The following C16orf89 variants were observed in gnomAD, a reference collection of about 807,000 sequenced individuals.
C16orf89 encodes UPF0764 protein C16orf89.
C16orf89 carries 57 observed loss-of-function variants against 41.5 expected under a neutral mutation model. The ratio of observed to expected loss-of-function variants is 1.38; its 90% CI spans 1.11 to 1.71. C16orf89 has a LOEUF of 1.71. C16orf89 is among the 40% of genes most tolerant of loss of function. C16orf89 has a pLI of 0.00. For missense variants in C16orf89, 575 were observed against 445.9 expected (o/e 1.29, Z -2.61); for synonymous variants, 223 against 190.6 (o/e 1.17, Z -1.40).
intron 7 of C16orf89, among the ~76,000 whole-genome samples, chr16:5,045,305 C>T (rs921175602): frequency 2.6e-5 from 4 of 152,256 alleles, no homozygotes; most frequent in African/African-American, 9.6e-5. Flanking sequence ...ACCCCAGTGG[C>T]CTTCCTCTTA....
rs551395470 is a variant in C16orf89 at position 5,047,948 on chromosome 16, T to A, written c.885A>T (p.Glu295Asp). The change falls in exon 7 of 8, where the codon GAA becomes GAT. Residue 295 changes from glutamate (E) to aspartate (D), a missense_variant. By Grantham distance (45) the Glu-to-Asp change is conservative. Coordinates refer to ENST00000472572, the MANE Select transcript of C16orf89 (RefSeq NM_001098514.3). Reference sequence around the variant, plus strand: ...GCTGATATTGAATAGCTTTAGATAATTCTTCATCTTCAGCATCTGGGAGAA... The same window carrying A: ...GCTGATATTGAATAGCTTTAGATAAATCTTCATCTTCAGCATCTGGGAGAA... Reference protein sequence around the residue: ...CFGEPDAEDEELSKAIQYQQH... With the variant: ...CFGEPDAEDEDLSKAIQYQQH... The A allele has an allele frequency of 6.3e-7, 1 of 1,583,328 alleles. No individual in the cohort carries two copies. Among genetic ancestry groups the A allele is most frequent in the African/African-American group, 1.3e-5 (1 of 74,700 alleles).
intron 6 of C16orf89, among the ~76,000 whole-genome samples, chr16:5,054,395 G>A (rs1244422975): frequency 6.6e-6 from 1 of 152,104 alleles, no homozygotes; most frequent in Non-Finnish European, 1.5e-5. Context: ...CCTCTGCTAC[G>A]TCACCTCCTC....
chr16:5,044,380 GGTGTGGCTCTCT>G lies in C16orf89; in HGVS notation c.1042_1053del (p.Arg348_His351del). 1 of 1,611,564 alleles carries G rather than the reference GGTGTGGCTCTCT, an allele frequency of 6.2e-7. No homozygotes were observed. The highest frequency in any genetic ancestry group is 8.5e-7 in the Non-Finnish European group (1 of 1,179,306). On this transcript the variant is annotated inframe_deletion, in exon 8 of 8. Coordinates refer to ENST00000472572, the MANE Select transcript of C16orf89 (RefSeq NM_001098514.3). ...CTGCTTGGTGGTGGCGGTGTGGATGGGTGTGGCTCTCTGTTTGCTGGGGGGTATTCTGCCAGG... is the reference window on the plus strand; with the variant it reads ...CTGCTTGGTGGTGGCGGTGTGGATGGGTTTGCTGGGGGGTATTCTGCCAGG...
intron 7 of C16orf89, among the ~76,000 whole-genome samples, chr16:5,046,809 C>G (rs1262406281): frequency 6.6e-6 from 1 of 152,068 alleles, no homozygotes; most frequent in Admixed American, 6.6e-5. Flanking sequence ...TACTTATATC[C>G]TGTTCTCACT....
chr16:5,058,712 A>G (rs1322459905), intron 3 of C16orf89, 102 bp from the exon 4 acceptor site: 14 of 920,494 alleles, frequency 1.5e-5, no homozygotes, highest in Non-Finnish European at 2.3e-5. Flanking sequence ...AGTAGATTCC[A>G]GACACCCAGC....
chr16:5,060,154 C>T, intron 3 of C16orf89, 132 bp downstream of exon 3: 2 of 1,137,496 alleles, frequency 1.8e-6, no homozygotes, highest in Non-Finnish European at 1.2e-6. Context: ...CCGGCAGCTA[C>T]AGGGAGCTGC....
At chr16:5,065,576 T>A in intron 1 of C16orf89, 125 bp downstream of exon 1, 4 of 1,183,744 alleles carry the variant, frequency 3.4e-6, no homozygotes, top group Non-Finnish European at 4.7e-6. Context: ...CCTCTCTCCT[T>A]ATAGCCGAGG....
intron 6 of C16orf89, among the ~76,000 whole-genome samples, chr16:5,048,529 G>C (rs1440776000): frequency 2.6e-5 from 4 of 152,132 alleles, no homozygotes; most frequent in Non-Finnish European, 5.9e-5. Context: ...CCCACCATCA[G>C]AACCACTGGA....
rs985427344 is a variant in C16orf89, at chr16:5,062,914, G to A, written c.209-340C>T. Reference sequence around the variant, plus strand: ...TGGATGGCCAGAGAAAGGTTGCAGGGTAGAGAACCACTGTGTACAGTTGAG... The same window carrying A: ...TGGATGGCCAGAGAAAGGTTGCAGGATAGAGAACCACTGTGTACAGTTGAG... On this transcript the variant is annotated intron_variant, in intron 1 of 7. Coordinates refer to ENST00000472572, the MANE Select transcript of C16orf89 (RefSeq NM_001098514.3). Among the ~76,000 whole-genome samples the A allele has an allele frequency of 2.6e-5, 4 of 152,308 alleles. 1 individual carries two copies. Among genetic ancestry groups the A allele is most frequent in the Middle Eastern group, 6.8e-3 (2 of 294 alleles).
intron 7 of C16orf89, among the ~76,000 whole-genome samples, chr16:5,046,896 TA>T (rs1452437164): frequency 6.6e-6 from 1 of 152,184 alleles, no homozygotes; most frequent in African/African-American, 2.4e-5. Flanking sequence ...GCACTATTCA[TA>T]ATGGCTCCAA....
chr16:5,060,226 G>GGACCAGCTGAGAACTAGTGCGTTTGGGT, intron 3 of C16orf89, 60 bp downstream of exon 3: 5 of 1,533,688 alleles, frequency 3.3e-6, no homozygotes, highest in Non-Finnish European at 4.4e-6. Context: ...GAGCGGGACA[G>GGACCAGCTGAGAACTAGTGCGTTTGGGT]GACCAGCTGA....
intron 2 of C16orf89, among the ~76,000 whole-genome samples, chr16:5,061,432 C>CAAAA (rs59903296): frequency 1.2e-4 from 3 of 25,242 alleles, no homozygotes; most frequent in Non-Finnish European, 1.8e-4. Context: ...GACTCTGTCT[C>CAAAA]AAAAAAAAAA....
At chr16:5,065,359 TC>T in intron 1 of C16orf89, among the ~76,000 whole-genome samples, 1 of 152,188 alleles carries the variant, frequency 6.6e-6, no homozygotes, top group Non-Finnish European at 1.5e-5. Context: ...GGAGGGGTCT[TC>T]CCACAAATAT....
intron 1 of C16orf89, among the ~76,000 whole-genome samples, chr16:5,065,151 T>G (rs1956711278): frequency 6.6e-6 from 1 of 152,296 alleles, no homozygotes; most frequent in Admixed American, 6.5e-5. Context: ...TGTGTGTGTG[T>G]GCATGATGTG....
At chr16:5,052,376 G>C (rs1393772704) in intron 6 of C16orf89, among the ~76,000 whole-genome samples, 1 of 152,170 alleles carries the variant, frequency 6.6e-6, no homozygotes, top group South Asian at 2.1e-4. Flanking sequence ...ATCACTTTGA[G>C]CTCAGGAATT....
chr16:5,044,594 C>A, intron 7 of C16orf89, 116 bp from the exon 8 acceptor site: 2 of 1,526,330 alleles, frequency 1.3e-6, no homozygotes, highest in Non-Finnish European at 1.8e-6. Context: ...TATAATCCCA[C>A]ACTTTGGGAG....
At chr16:5,065,650 G>A in intron 1 of C16orf89, 51 bp downstream of exon 1, 2 of 1,547,162 alleles carry the variant, frequency 1.3e-6, no homozygotes. Flanking sequence ...AGGGGACAAA[G>A]CTGAGAGCTA....
At chr16:5,061,704 C>CA (rs1288067650) in intron 2 of C16orf89, among the ~76,000 whole-genome samples, 1 of 152,068 alleles carries the variant, frequency 6.6e-6, no homozygotes, top group Non-Finnish European at 1.5e-5. Flanking sequence ...GAAAGGTCAG[C>CA]ATGGGCTATG....
intron 6 of C16orf89, 95 bp from the exon 7 acceptor site, chr16:5,048,059 C>T: frequency 1.4e-6 from 1 of 720,776 alleles, no homozygotes; most frequent in Non-Finnish European, 2.4e-6. Context: ...GACAGGGTCT[C>T]ATTCTATTGG....
Sources: allele counts gnomAD v4.1 joint callset (sites outside exome capture counted in the v4.1 genomes callset), GRCh38; gene constraint gnomAD v4.1.1; transcripts MANE v1.5; gene names NCBI Gene and HGNC (gene_info 2026-07-23, HGNC 2026-07-21).